CTNNA2: variants seen among roughly 807,000 people sequenced by gnomAD.
CTNNA2 encodes the protein catenin alpha 2, also known as catenin alpha-2.
A neutral mutation model predicts 101.0 loss-of-function variants in CTNNA2; 42 were observed. The ratio of observed to expected loss-of-function variants is 0.42; its 90% confidence interval spans 0.32 to 0.54. The LOEUF is 0.54. CTNNA2 is among the 20% of genes least tolerant of loss of function. The probability of loss-of-function intolerance (pLI) is 0.14; values close to 1 mark genes in which losing one functional copy is unlikely to be tolerated. For synonymous variants in CTNNA2, 450 were observed against 456.4 expected, an observed-to-expected ratio of 0.99 and a Z score of 0.18; for missense variants, 871 against 1,223.1, an observed-to-expected ratio of 0.71 and a Z score of 4.29.
intron 4 of CTNNA2, among the ~76,000 whole-genome samples, chr2:79,408,517 AT>A (rs931792891): frequency 7.2e-6 from 1 of 138,030 alleles, no homozygotes; most frequent in Non-Finnish European, 1.5e-5. Flanking sequence ...ATGTGCTCTC[AT>A]TGTTCAATTC....
At chr2:80,154,467 A>G (rs1436905041) in intron 7 of CTNNA2, among the ~76,000 whole-genome samples, 1 of 152,198 alleles carries the variant, frequency 6.6e-6, no homozygotes, top group African/African-American at 2.4e-5. Context: ...GAGCTAAGAA[A>G]TATATTCTGA....
At chr2:80,550,318 A>AG (rs1011645246) in intron 11 of CTNNA2, among the ~76,000 whole-genome samples, 23 of 152,090 alleles carry the variant, frequency 1.5e-4, no homozygotes, top group Admixed American at 5.2e-4. Context: ...CTTTGATGGT[A>AG]GGGGGGGTTT....
chr2:79,389,838 C>T (rs1267412303), intron 4 of CTNNA2, among the ~76,000 whole-genome samples: 8 of 151,870 alleles, frequency 5.3e-5, no homozygotes, highest in African/African-American at 9.7e-5. Flanking sequence ...TTTTCATCTG[C>T]GGGATAATAA....
In CTNNA2 at chr2:80,057,922, A is replaced by T. The variant is rs192975392; in HGVS notation, c.1056+148125A>T. Among the ~76,000 whole-genome samples, 813 of 152,354 alleles carry T rather than the reference A, an allele frequency of 5.3e-3. 5 individuals are homozygous for T. Among genetic ancestry groups the T allele is most frequent in the Admixed American group, 0.012 (187 of 15,302 alleles). ...ATACCCCTCTTGCTTTTAAAGAAAT[A>T]AAAGGAAACAATACCTTTCATACTA... On this transcript the variant is annotated intron_variant, in intron 7 of 18. Coordinates refer to ENST00000402739, the MANE Select transcript of CTNNA2 (RefSeq NM_001282597.3).
intron 7 of CTNNA2, among the ~76,000 whole-genome samples, chr2:80,282,221 T>C (rs1674438520): frequency 6.6e-6 from 1 of 152,122 alleles, no homozygotes; most frequent in Non-Finnish European, 1.5e-5. Context: ...ATGAGTTATA[T>C]TTTCATTCAC....
intron 4 of CTNNA2, among the ~76,000 whole-genome samples, chr2:79,386,015 A>G (rs920974445): frequency 3.9e-5 from 6 of 152,224 alleles, no homozygotes; most frequent in African/African-American, 1.4e-4. Flanking sequence ...TCTTTATAGT[A>G]GAATGATTTA....
chr2:80,247,121 C>T (rs1000781958), intron 7 of CTNNA2, among the ~76,000 whole-genome samples: 6 of 152,116 alleles, frequency 3.9e-5, no homozygotes, highest in Admixed American at 1.3e-4. Flanking sequence ...GGGCACATTG[C>T]AAGGGAAGGA....
At chr2:80,545,640 T>G (rs1362652022) in intron 10 of CTNNA2, among the ~76,000 whole-genome samples, 1 of 152,242 alleles carries the variant, frequency 6.6e-6, no homozygotes, top group Non-Finnish European at 1.5e-5. Context: ...GCATTTCTGC[T>G]GTATCTGTGC....
chr2:79,565,646 GA>G (rs1394317940), intron 1 of CTNNA2, among the ~76,000 whole-genome samples: 1 of 152,158 alleles, frequency 6.6e-6, no homozygotes, highest in Non-Finnish European at 1.5e-5. Flanking sequence ...AGTGGTAAGT[GA>G]AAAGAAGAGT....
chr2:79,374,200 T>C (rs1677934258), intron 4 of CTNNA2, among the ~76,000 whole-genome samples: 1 of 152,120 alleles, frequency 6.6e-6, no homozygotes, highest in African/African-American at 2.4e-5. Context: ...AATTACTTGT[T>C]CAAGTAGTAA....
intron 1 of CTNNA2, among the ~76,000 whole-genome samples, chr2:79,589,996 A>G (rs1429882170): frequency 6.6e-6 from 1 of 152,162 alleles, no homozygotes; most frequent in Non-Finnish European, 1.5e-5. Context: ...GTTTTCCGTA[A>G]TTGTTACTAG....
intron 16 of CTNNA2, among the ~76,000 whole-genome samples, chr2:80,606,390 A>C (rs1428328041): frequency 8.1e-6 from 1 of 124,116 alleles, no homozygotes; most frequent in African/African-American, 3.3e-5. Context: ...ACACACACAC[A>C]CACACACACA....
chr2:79,620,428 A>G (rs1037097801), intron 1 of CTNNA2, among the ~76,000 whole-genome samples: 4 of 152,182 alleles, frequency 2.6e-5, no homozygotes, highest in African/African-American at 9.7e-5. Context: ...GTCACCTTAT[A>G]TGTGAAATCC....
intron 7 of CTNNA2, among the ~76,000 whole-genome samples, chr2:80,116,682 GC>G (rs1701542219): frequency 6.6e-6 from 1 of 152,162 alleles, no homozygotes; most frequent in Admixed American, 6.5e-5. Flanking sequence ...TAGGATGACA[GC>G]CAGGTTTCTA....
chr2:79,696,335 T>A (rs887021221), intron 2 of CTNNA2, among the ~76,000 whole-genome samples: 1 of 152,030 alleles, frequency 6.6e-6, no homozygotes, highest in African/African-American at 2.4e-5. Context: ...TCCACTGATT[T>A]GTCCTAAGGT....
At chr2:79,962,543 A>G (rs1446936611) in intron 7 of CTNNA2, among the ~76,000 whole-genome samples, 1 of 152,140 alleles carries the variant, frequency 6.6e-6, no homozygotes, top group Non-Finnish European at 1.5e-5. Context: ...CCATAACCAC[A>G]GATTTATTTG....
At chr2:80,591,476 T>TTTTTTTTTTTTTTTTTTTTTA in intron 15 of CTNNA2, among the ~76,000 whole-genome samples, 1 of 145,952 alleles carries the variant, frequency 6.9e-6, no homozygotes, top group Non-Finnish European at 1.5e-5. Flanking sequence ...TTTTTTTTTT[T>TTTTTTTTTTTTTTTTTTTTTA]TTGCAAACAG....
chr2:80,295,490 C>A (rs1309192874), intron 7 of CTNNA2, among the ~76,000 whole-genome samples: 1 of 152,148 alleles, frequency 6.6e-6, no homozygotes, highest in Non-Finnish European at 1.5e-5. Context: ...TTCAGGCAAG[C>A]CTGATGAATC....
intron 9 of CTNNA2, among the ~76,000 whole-genome samples, chr2:80,437,334 G>A (rs1682131870): frequency 6.6e-6 from 1 of 152,176 alleles, no homozygotes. Context: ...CAGGCCTTAG[G>A]GATGGGGGAG....
Sources: allele counts gnomAD v4.1 joint callset (sites outside exome capture counted in the v4.1 genomes callset), GRCh38; gene constraint gnomAD v4.1.1; transcripts MANE v1.5; gene names NCBI Gene and HGNC (gene_info 2026-07-23, HGNC 2026-07-21).